The following TMC3 variants were observed in gnomAD, a reference collection of about 807,000 sequenced individuals.
TMC3 encodes transmembrane channel like 3, also known as transmembrane channel-like protein 3.
A neutral mutation model predicts 110.6 loss-of-function variants in TMC3; 98 were observed. The observed-to-expected ratio is 0.89, with a 90% CI of 0.75 to 1.05. TMC3 has a LOEUF of 1.05. TMC3 is among the 50% of genes least tolerant of loss of function. The probability of loss-of-function intolerance (pLI) is 0.00; values close to 1 mark genes in which losing one functional copy is unlikely to be tolerated. For missense variants in TMC3, 1,319 were observed against 1,373.2 expected (o/e 0.96, Z 0.62); for synonymous variants, 489 against 513.1 (o/e 0.95, Z 0.63).
intron 2 of TMC3, among the ~76,000 whole-genome samples, chr15:81,371,616 A>T (rs559875350): frequency 6.6e-6 from 1 of 152,242 alleles, no homozygotes; most frequent in Admixed American, 6.5e-5. Flanking sequence ...GACCCCAGGC[A>T]TCAGAATCAC....
At chr15:81,343,133 A>G (rs1183535296) in intron 15 of TMC3, 145 bp downstream of exon 15, 2 of 540,132 alleles carry the variant, frequency 3.7e-6, no homozygotes, top group Non-Finnish European at 6.8e-6. Context: ...TAAAAGTAAT[A>G]TACATGTGAA....
In TMC3 at chr15:81,338,874, T is replaced by C. The variant is rs974395783; in HGVS notation, c.1956-94A>G. On this transcript the variant is annotated intron_variant, in intron 17 of 21. Coordinates refer to ENST00000359440, the MANE Select transcript of TMC3 (RefSeq NM_001080532.3). ...AAATGGCTGGATGCCTGGAGGCCAA[T>C]TCATAACATTCCTCAAATGATTTCA... is the stretch of plus-strand genomic sequence containing the variant. 7 of 1,327,460 alleles carry C rather than the reference T, an allele frequency of 5.3e-6. No individual in the cohort carries two copies. The African/African-American group carries it at 1.0e-4, about 19-fold the overall frequency. The allele number at this position is 1,327,460 out of a possible 1,614,324, so 82.2% of individuals were successfully genotyped here. A position where few individuals can be genotyped will look rare whatever the true frequency, so the allele number is the denominator to read the frequency against.
At position 81,332,704 on chromosome 15, in the gene TMC3, C is replaced by T. The variant is rs1243731936; in HGVS notation, c.3018G>A (p.Arg1006=). The change falls in exon 22 of 22, where the codon AGG becomes AGA. Residue 1006 remains arginine, a synonymous_variant. Transcript: ENST00000359440. ...WNEDFEGHLE[R]PAYVPRKPRS... is the part of the protein sequence containing the mutation. ...GTGGCTTTCTGGGCACATAGGCTGGCCTCTCAAGGTGACCCTCAAAATCTT... is the reference window on the plus strand; with the variant it reads ...GTGGCTTTCTGGGCACATAGGCTGGTCTCTCAAGGTGACCCTCAAAATCTT... The T allele has an allele frequency of 2.5e-6, 4 of 1,613,792 alleles. No individual in the cohort carries two copies. Among genetic ancestry groups the T allele is most frequent in the Non-Finnish European group, 3.4e-6 (4 of 1,179,898 alleles).
intron 11 of TMC3, among the ~76,000 whole-genome samples, chr15:81,347,242 T>A (rs1893846478): frequency 6.6e-6 from 1 of 152,022 alleles, no homozygotes. Flanking sequence ...TGGAGAAAAA[T>A]GAAGCCAATT....
Position 81,359,362 on chromosome 15 carries a change from T to G in TMC3, c.501+3A>C. ...TGAGTGGTACTTTCCTGAAACATCT[T>G]ACCTCTGGAATGACAATAAAAGCAC... is the stretch of plus-strand genomic sequence containing the variant. On this transcript the variant is annotated splice_donor_region_variant and intron_variant, in intron 5 of 21. Transcript: ENST00000359440. 6.3e-7 allele frequency: 1 copy of G among 1,591,032 alleles called. No homozygotes were observed. The highest frequency in any genetic ancestry group is 8.6e-7 in the Non-Finnish European group (1 of 1,168,458).
chr15:81,338,783 G>A lies in TMC3; in HGVS notation c.1956-3C>T, dbSNP rs1290493330. ...TGTCATAAATTTTCTCTTGTCCACT[G>A]TGAGAAAGAAAAACATAACTCCAGA... On this transcript the variant is annotated splice_polypyrimidine_tract_variant and splice_region_variant and intron_variant, in intron 17 of 21. Transcript: ENST00000359440. The A allele has an allele frequency of 1.2e-6, 2 of 1,613,266 alleles. No homozygotes were observed. Among genetic ancestry groups the A allele is most frequent in the African/African-American group, 1.3e-5 (1 of 75,026 alleles).
At position 81,358,202 on chromosome 15, in the gene TMC3, A is replaced by G; in HGVS notation, c.690T>C (p.Tyr230=). Residue 230 remains tyrosine, a synonymous_variant, in exon 7 of 22, where the codon TAT becomes TAC. Transcript: ENST00000359440. ...GRAGYRLPLA[Y]FLVGMAVFAY... ...CAAACACTGCCATCCCCACTAGGAA[A>G]TACGCCAAGGGCAGCCGGTAGCCAG... 6.2e-7 allele frequency: 1 copy of G among 1,612,970 alleles called. No homozygotes were observed. Among genetic ancestry groups the G allele is most frequent in the Non-Finnish European group, 8.5e-7 (1 of 1,179,552 alleles).
At chr15:81,353,093 A>G (rs1893986170) in intron 9 of TMC3, among the ~76,000 whole-genome samples, 1 of 152,174 alleles carries the variant, frequency 6.6e-6, no homozygotes, top group Non-Finnish European at 1.5e-5. Flanking sequence ...AAGTGCTGGG[A>G]TTACAGGTGT....
Position 81,358,287 on chromosome 15 carries a change from T to C in TMC3, c.605A>G (p.Tyr202Cys). 6.2e-7 allele frequency: 1 copy of C among 1,605,700 alleles called. No individual in the cohort carries two copies. The highest frequency in any genetic ancestry group is 8.5e-7 in the Non-Finnish European group (1 of 1,175,838). Reference protein sequence around the residue: ...DLDTVWSLGGYLQYSVLFYGY... With the variant: ...DLDTVWSLGGCLQYSVLFYGY... Reference sequence around the variant, plus strand: ...GTAGAAGAGGACAGAGTACTGGAGGTAGCCCTGCAAAGAAAACACTCAGTG... The same window carrying C: ...GTAGAAGAGGACAGAGTACTGGAGGCAGCCCTGCAAAGAAAACACTCAGTG... The change falls in exon 7 of 22, where the codon TAC becomes TGC. Residue 202 changes from tyrosine (Y) to cysteine (C), a missense_variant. Coordinates refer to ENST00000359440, the MANE Select transcript of TMC3 (RefSeq NM_001080532.3).
In TMC3 at chr15:81,374,182, C is replaced by G; in HGVS notation, c.-105G>C. The G allele has an allele frequency of 1.0e-6, 1 of 977,230 alleles. No homozygotes were observed. The highest frequency in any genetic ancestry group is 2.6e-5 in the East Asian group (1 of 38,226). 60.5% of individuals were successfully genotyped at this position (977,230 alleles called of 1,614,324 possible). ...CTGAATGGAAGCAGCGGAGTTTGCT[C>G]TGCCCGCTAGTTCTCAGGAAGAAGA... On this transcript the variant is annotated 5_prime_UTR_variant, in exon 1 of 22. Coordinates refer to ENST00000359440, the MANE Select transcript of TMC3 (RefSeq NM_001080532.3).
In TMC3 at chr15:81,343,947, G is replaced by A; in HGVS notation, c.1617C>T (p.Asp539=). ...FRGLFVRYLS[D]YWCWDLESKF... Reference sequence around the variant, plus strand: ...TGCTCTCCAGATCCCAACACCAGTAGTCACTTAAGTACCGCACGAAAAGTC... The same window carrying A: ...TGCTCTCCAGATCCCAACACCAGTAATCACTTAAGTACCGCACGAAAAGTC... The change falls in exon 14 of 22, where the codon GAC becomes GAT. Residue 539 remains aspartate (D), a synonymous_variant. Coordinates refer to ENST00000359440, the MANE Select transcript of TMC3 (RefSeq NM_001080532.3). 7 of 1,612,952 alleles carry A rather than the reference G, an allele frequency of 4.3e-6. No homozygotes were observed. Among genetic ancestry groups the A allele is most frequent in the Non-Finnish European group, 5.9e-6 (7 of 1,179,304 alleles).
At chr15:81,352,182 T>C (rs1298396042) in intron 9 of TMC3, among the ~76,000 whole-genome samples, 5 of 152,090 alleles carry the variant, frequency 3.3e-5, no homozygotes, top group South Asian at 2.1e-4. Flanking sequence ...ATTAAAGATA[T>C]AGGAATTCAA....
Position 81,332,577 on chromosome 15 carries a change from T to C in TMC3, c.3145A>G (p.Ser1049Gly), listed in dbSNP as rs1214761508. The C allele has an allele frequency of 2.5e-6, 4 of 1,614,028 alleles. No homozygotes were observed. In the East Asian group the frequency reaches 8.9e-5, roughly 36 times the overall value. Residue 1049 changes from serine to glycine, a missense_variant, in exon 22 of 22, where the codon AGC (serine) becomes GGC (glycine). By Grantham distance (56) the Ser-to-Gly change is moderately conservative. Transcript: ENST00000359440. ...GCGCTGCTGTTCTGCTGGTCACTGC[T>C]GGATGCTGCCGACACGGAGTCAGAT... ...TESDSVSAASSSDQQNSSADQ... is the reference protein window; with the variant it reads ...TESDSVSAASGSDQQNSSADQ...
chr15:81,362,301 G>A lies in TMC3; in HGVS notation c.313C>T (p.Leu105Phe), dbSNP rs1300081786. The change falls in exon 4 of 22, where the codon CTC becomes TTC. Residue 105 changes from leucine to phenylalanine, a missense_variant and splice_region_variant. Coordinates refer to ENST00000359440, the MANE Select transcript of TMC3 (RefSeq NM_001080532.3). Reference protein sequence around the residue: ...TRGYQAAGAELWRKFARLACN... With the variant: ...TRGYQAAGAEFWRKFARLACN... ...GCGAGACGAGCAAATTTCCGCCAGA[G>A]CTAGACAAGAGGGGTCAGGATTAGA... 2 of 1,610,884 alleles carry A rather than the reference G, an allele frequency of 1.2e-6. No individual in the cohort carries two copies. The highest frequency in any genetic ancestry group is 1.7e-6 in the Non-Finnish European group (2 of 1,178,338).
At position 81,332,389 on chromosome 15, in the gene TMC3, G is replaced by C. The variant is rs1416142605; in HGVS notation, c.*30C>G. Reference sequence around the variant, plus strand: ...TGGCCCAGCACTCCAACAGGGGCCTGACCTCTAGGAACGGGACACTGGAGG... The same window carrying C: ...TGGCCCAGCACTCCAACAGGGGCCTCACCTCTAGGAACGGGACACTGGAGG... On this transcript the variant is annotated 3_prime_UTR_variant, in exon 22 of 22. Transcript: ENST00000359440. 4 of 1,564,262 alleles carry C rather than the reference G, an allele frequency of 2.6e-6. No individual in the cohort carries two copies. The highest frequency in any genetic ancestry group is 3.5e-6 in the Non-Finnish European group (4 of 1,152,632).
At position 81,333,252 on chromosome 15, in the gene TMC3, C is replaced by G. The variant is rs140203489; in HGVS notation, c.2470G>C (p.Gly824Arg). The G allele has an allele frequency of 1.0e-5, 16 of 1,606,346 alleles. No individual in the cohort carries two copies. The highest frequency in any genetic ancestry group is 6.7e-5 in the African/African-American group (5 of 74,814). ...LEHETNRYLH[G>R]LCASTSDLHR... ...AGGTCACTGGTGCTTGCACACAGAC[C>G]GTGCAGATACCTGTAAGACAGGGGC... The change falls in exon 22 of 22, where the codon GGT becomes CGT. Residue 824 changes from glycine (G) to arginine (R), a missense_variant. Coordinates refer to ENST00000359440, the MANE Select transcript of TMC3 (RefSeq NM_001080532.3).
Position 81,351,833 on chromosome 15 carries a change from G to C in TMC3, c.944C>G (p.Thr315Ser). 6 of 1,612,232 alleles carry C rather than the reference G, an allele frequency of 3.7e-6. No homozygotes were observed. Among genetic ancestry groups the C allele is most frequent in the Non-Finnish European group, 4.2e-6 (5 of 1,179,220 alleles). ...EKKKSKNLAV[T>S]ICLRIIANIL... The stretch of plus-strand genomic sequence containing the variant: ...GTTGGCAATAATCCTCAGGCAGATG[G>C]TCACTGCCCTGGGGAGAGAAACAGG... Residue 315 changes from threonine to serine, a missense_variant, in exon 10 of 22, where the codon ACC (threonine) becomes AGC (serine). Coordinates refer to ENST00000359440, the MANE Select transcript of TMC3 (RefSeq NM_001080532.3).
At chr15:81,347,976 C>G (rs79474104) in intron 11 of TMC3, among the ~76,000 whole-genome samples, 8 of 152,308 alleles carry the variant, frequency 5.3e-5, no homozygotes, top group African/African-American at 1.7e-4. Flanking sequence ...TGTTTTCTCT[C>G]TTTGAAATGA....
At position 81,359,446 on chromosome 15, in the gene TMC3, G is replaced by T. The variant is rs1205819290; in HGVS notation, c.420C>A (p.Ser140=). Residue 140 remains serine, a synonymous_variant, in exon 5 of 22, where the codon TCC becomes TCA. Coordinates refer to ENST00000359440, the MANE Select transcript of TMC3 (RefSeq NM_001080532.3). ...IESHFGSGVA[S]YFIFLRWLFG... is the part of the protein sequence containing the mutation. ...ATAACCATCTCAAGAATATGAAATA[G>T]GAGGCAACGCCAGATCCAAAATGAC... is the stretch of plus-strand genomic sequence containing the variant. 6.2e-7 allele frequency: 1 copy of T among 1,600,788 alleles called. No individual in the cohort carries two copies. Among genetic ancestry groups the T allele is most frequent in the Admixed American group, 1.7e-5 (1 of 57,208 alleles).
Sources: allele counts gnomAD v4.1 joint callset (sites outside exome capture counted in the v4.1 genomes callset), GRCh38; gene constraint gnomAD v4.1.1; transcripts MANE v1.5; gene names NCBI Gene and HGNC (gene_info 2026-07-23, HGNC 2026-07-21).